RIPOR2: variants seen among roughly 807,000 people sequenced by gnomAD.
The protein encoded by RIPOR2 is RHO family interacting cell polarization regulator 2.
Under a neutral mutation model 114.5 loss-of-function variants are expected in RIPOR2, and 39 were observed. The observed-to-expected ratio is 0.34, with a 90% CI of 0.26 to 0.44. The LOEUF (loss-of-function observed/expected upper bound fraction) is 0.44. Among genes scored for constraint, RIPOR2 ranks in the 20% least tolerant of loss-of-function variants. The pLI is 1.00. For missense variants in RIPOR2, 1,007 were observed against 1,255.1 expected (o/e 0.80, Z 2.99); for synonymous variants, 445 against 484.4 (o/e 0.92, Z 1.07).
rs975808119 is a variant in RIPOR2, at chr6:25,040,487, T to C, written c.76+1364A>G. 3.9e-5 allele frequency among the ~76,000 whole-genome samples: 6 copies of C among 152,136 alleles called. No homozygotes were observed. The East Asian group carries it at 1.2e-3, about 29-fold the overall frequency. Reference sequence around the variant, plus strand: ...GGCTTGGCTACTGGTGGTCCACAGTTGTCACACGTTGCCTCAGAACATTGG... The same window carrying C: ...GGCTTGGCTACTGGTGGTCCACAGTCGTCACACGTTGCCTCAGAACATTGG... On this transcript the variant is annotated intron_variant, in intron 1 of 13. Transcript: ENST00000510784.
At chr6:24,850,473 T>C (rs1365758629) in intron 10 of RIPOR2, 124 bp downstream of exon 10, 21 of 994,040 alleles carry the variant, frequency 2.1e-5, no homozygotes, top group South Asian at 1.3e-4. Context: ...GTCTTTGTAA[T>C]AGACTTGTGC....
At chr6:25,016,651 A>G (rs188766203) in intron 1 of RIPOR2, among the ~76,000 whole-genome samples, 270 of 152,334 alleles carry the variant, frequency 1.8e-3, no homozygotes, top group African/African-American at 5.6e-3. Flanking sequence ...ACACACAACA[A>G]AAGTCTTGTG....
chr6:24,961,777 C>T (rs1773320914), intron 1 of RIPOR2, among the ~76,000 whole-genome samples: 1 of 152,044 alleles, frequency 6.6e-6, no homozygotes, highest in Non-Finnish European at 1.5e-5. Flanking sequence ...AGGCACCTGC[C>T]ACCATGCCTG....
At position 24,841,282 on chromosome 6, in the gene RIPOR2, G is replaced by A. The variant is rs965934003; in HGVS notation, c.1857+1580C>T. Among the ~76,000 whole-genome samples the A allele has an allele frequency of 3.3e-5, 5 of 152,258 alleles. No individual in the cohort carries two copies. The South Asian group carries it at 1.0e-3, about 32-fold the overall frequency. ...TACCTTTTGCCCACAAAGCAAAGCT[G>A]GTCAACTTTGCAGAAAAGATAGGTG... On this transcript the variant is annotated intron_variant, in intron 13 of 21. Transcript: ENST00000643898.
At chr6:24,911,798 A>G (rs1379895724) in intron 1 of RIPOR2, among the ~76,000 whole-genome samples, 1 of 152,168 alleles carries the variant, frequency 6.6e-6, no homozygotes, top group African/African-American at 2.4e-5. Flanking sequence ...ATCCTTACAT[A>G]GGGATTCCCT....
intron 1 of RIPOR2, among the ~76,000 whole-genome samples, chr6:24,948,717 G>T (rs1772592391): frequency 6.6e-6 from 1 of 152,074 alleles, no homozygotes; most frequent in Non-Finnish European, 1.5e-5. Flanking sequence ...TTTTAGTAGA[G>T]ATGGGGTTTC....
chr6:24,897,774 A>G (rs1449755959), intron 1 of RIPOR2, among the ~76,000 whole-genome samples: 1 of 151,898 alleles, frequency 6.6e-6, no homozygotes, highest in Non-Finnish European at 1.5e-5. Context: ...TTACTTGTTT[A>G]TTTATTTTTT....
chr6:24,922,135 T>C (rs1043569718), intron 1 of RIPOR2, among the ~76,000 whole-genome samples: 2 of 151,974 alleles, frequency 1.3e-5, no homozygotes, highest in Non-Finnish European at 2.9e-5. Flanking sequence ...CTGGCTGATA[T>C]TCTTTAAATG....
chr6:24,877,268 C>T, intron 1 of RIPOR2: 1 of 985,412 alleles, frequency 1.0e-6, no homozygotes, highest in Non-Finnish European at 1.2e-6. Context: ...GGACAAACAG[C>T]CTCCTCCCCC....
Position 24,914,043 on chromosome 6 carries a change from C to T in RIPOR2, c.61+21795G>A, listed in dbSNP as rs551705712. Among the ~76,000 whole-genome samples the T allele has an allele frequency of 1.8e-3, 276 of 152,252 alleles. 1 individual carries two copies. Among genetic ancestry groups the T allele is most frequent in the Non-Finnish European group, 3.4e-3 (234 of 68,012 alleles). ...TCACATATAAATTTTAAATTGAATA[C>T]ACCCCTAATGGCCGGGCATGGTGGC... On this transcript the variant is annotated intron_variant, in intron 1 of 21. Transcript: ENST00000643898.
chr6:25,023,891 G>A, intron 1 of RIPOR2: 1 of 721,914 alleles, frequency 1.4e-6, no homozygotes. Flanking sequence ...GGAGGCACTT[G>A]GTTCTTGGGG....
intron 19 of RIPOR2, 88 bp from the exon 20 acceptor site, chr6:24,818,713 T>C (rs750300158): frequency 1.0e-5 from 7 of 697,626 alleles, no homozygotes; most frequent in Non-Finnish European, 2.4e-6. Context: ...TGAGATAAAC[T>C]ATAGCATATA....
At position 25,005,738 on chromosome 6, in the gene RIPOR2, T is replaced by TATATATATATATATATAC. The variant is rs34572978; in HGVS notation, c.76+36112_76+36113insGTATATATATATATATAT. ...ATATATATATATATATATATATATATATACATTTACCGATCAAAAGATATG... is the reference window on the plus strand; with the variant it reads ...ATATATATATATATATATATATATATATATATATATATATATACATACATTTACCGATCAAAAGATATG... On this transcript the variant is annotated intron_variant, in intron 1 of 13. Transcript: ENST00000510784. Among the ~76,000 whole-genome samples the TATATATATATATATATAC allele has an allele frequency of 2.6e-3, 185 of 70,690 alleles. 41 individuals carry two copies. The highest frequency in any genetic ancestry group is 5.1e-3 in the Non-Finnish European group (152 of 30,016). The allele number at this position is 70,690 out of a possible 152,430, so 46.4% of individuals were successfully genotyped here.
At chr6:24,983,343 G>A (rs916207886) in intron 1 of RIPOR2, among the ~76,000 whole-genome samples, 1 of 151,896 alleles carries the variant, frequency 6.6e-6, no homozygotes. Context: ...ATGACTAATC[G>A]TAATATATGT....
chr6:24,926,799 A>G (rs932458614), intron 1 of RIPOR2, among the ~76,000 whole-genome samples: 2 of 151,968 alleles, frequency 1.3e-5, no homozygotes, highest in African/African-American at 2.4e-5. Context: ...TCTCCCTTTA[A>G]ACGCAGCAGT....
chr6:24,925,904 T>C (rs1023451467), intron 1 of RIPOR2, among the ~76,000 whole-genome samples: 6 of 152,214 alleles, frequency 3.9e-5, no homozygotes, highest in Non-Finnish European at 8.8e-5. Flanking sequence ...ATGAAGCAAC[T>C]GAGCTAATGT....
At chr6:25,005,736 TATATAC>T (rs1775530572) in intron 1 of RIPOR2, among the ~76,000 whole-genome samples, 1 of 100,248 alleles carries the variant, frequency 1.0e-5, no homozygotes, top group Admixed American at 9.9e-5. Flanking sequence ...TATATATATA[TATATAC>T]ATTTACCGAT....
chr6:24,876,981 G>C, intron 1 of RIPOR2: 1 of 985,462 alleles, frequency 1.0e-6, no homozygotes, highest in Non-Finnish European at 1.2e-6. Flanking sequence ...TCAATCCAGA[G>C]AGGGGGACAG....
chr6:24,896,457 C>A (rs111549373), intron 1 of RIPOR2, among the ~76,000 whole-genome samples: 1 of 152,130 alleles, frequency 6.6e-6, no homozygotes, highest in African/African-American at 2.4e-5. Context: ...AAAAAAACTT[C>A]AAAGGAGGTT....
Sources: allele counts gnomAD v4.1 joint callset (sites outside exome capture counted in the v4.1 genomes callset), GRCh38; gene constraint gnomAD v4.1.1; transcripts MANE v1.5; gene names NCBI Gene and HGNC (gene_info 2026-07-23, HGNC 2026-07-21).